The following PRRC2B variants were observed in gnomAD, a reference collection of about 807,000 sequenced individuals.
PRRC2B encodes the protein protein PRRC2B.
Under a neutral mutation model 242.3 loss-of-function variants are expected in PRRC2B, and 68 were observed. That is an observed-to-expected ratio of 0.28 (90% CI 0.23 to 0.34). The LOEUF (loss-of-function observed/expected upper bound fraction) is 0.34, where lower values mean the gene tolerates loss of function less well. PRRC2B is among the 10% of genes least tolerant of loss of function. PRRC2B has a pLI of 1.00. For missense variants in PRRC2B, 2,835 were observed against 2,954.8 expected, an observed-to-expected ratio of 0.96 and a Z score of 0.94; for synonymous variants, 1,228 against 1,173.6, an observed-to-expected ratio of 1.05 and a Z score of -0.95.
chr9:131,485,024 GCAT>G lies in PRRC2B; in HGVS notation c.5644_5646del (p.Ile1882del), dbSNP rs1343933026. 6.2e-7 allele frequency: 1 copy of G among 1,612,730 alleles called. No homozygotes were observed. Among genetic ancestry groups the G allele is most frequent in the East Asian group, 2.2e-5 (1 of 44,840 alleles). On this transcript the variant is annotated inframe_deletion, in exon 25 of 32. Transcript: ENST00000683519. ...AGCTCTCCAGGCGGCGCTGGCTCAG[GCAT>G]CCAGCCTCCATCCTCTGTGGGTGCC...
At chr9:131,465,490 G>T (rs1943369665) in intron 12 of PRRC2B, among the ~76,000 whole-genome samples, 1 of 152,070 alleles carries the variant, frequency 6.6e-6, no homozygotes, top group African/African-American at 2.4e-5. Context: ...GTATGTACCT[G>T]CCAGCACGCG....
chr9:131,376,983 G>A (rs1836693585), intron 1 of PRRC2B, among the ~76,000 whole-genome samples: 1 of 151,996 alleles, frequency 6.6e-6, no homozygotes, highest in Non-Finnish European at 1.5e-5. Flanking sequence ...CTCCAGCCTG[G>A]GTGACACAGC....
chr9:131,467,732 CCAG>C lies in PRRC2B; in HGVS notation c.1899_1901del (p.Gln637del), dbSNP rs1375113313. On this transcript the variant is annotated inframe_deletion, in exon 13 of 32. Transcript: ENST00000683519. ...AGTCCCTTCCTCCCCGATTCCAGCGCCAGCAGCAGCAACAACAGCAGGTAAACA... is the reference window on the plus strand; with the variant it reads ...AGTCCCTTCCTCCCCGATTCCAGCGCCAGCAGCAACAACAGCAGGTAAACA... 2.5e-6 allele frequency: 4 copies of C among 1,613,940 alleles called. No individual in the cohort carries two copies. The highest frequency in any genetic ancestry group is 2.5e-6 in the Non-Finnish European group (3 of 1,179,876).
intron 15 of PRRC2B, among the ~76,000 whole-genome samples, chr9:131,474,206 A>C (rs4740249): frequency 1.3e-5 from 2 of 152,172 alleles, no homozygotes; most frequent in Non-Finnish European, 2.9e-5. Flanking sequence ...TTCACTCTCA[A>C]GGACTCCAGG....
chr9:131,490,679 C>T (rs1055642420), intron 28 of PRRC2B: 8 of 489,312 alleles, frequency 1.6e-5, no homozygotes, highest in Non-Finnish European at 3.3e-5. Flanking sequence ...GGCCCTGCAG[C>T]TACCCTGTTC....
rs527818817 is a variant in PRRC2B at position 131,431,875 on chromosome 9, C to T, written c.116-742C>T. Among the ~76,000 whole-genome samples the T allele has an allele frequency of 2.6e-4, 40 of 151,690 alleles. 1 individual carries two copies. In the East Asian group the frequency reaches 5.2e-3, roughly 20 times the overall value. ...TGCTGAGATTACAGGCATGAGCCACCGCGCCCGGCCATCCTTAAAGAATTT... is the reference window on the plus strand; with the variant it reads ...TGCTGAGATTACAGGCATGAGCCACTGCGCCCGGCCATCCTTAAAGAATTT... On this transcript the variant is annotated intron_variant, in intron 2 of 31. Coordinates refer to ENST00000683519, the MANE Select transcript of PRRC2B (RefSeq NM_013318.4).
intron 4 of PRRC2B, among the ~76,000 whole-genome samples, chr9:131,438,387 T>C (rs189539000): frequency 4.6e-5 from 7 of 152,162 alleles, no homozygotes; most frequent in African/African-American, 1.4e-4. Flanking sequence ...TGGTGAGCAT[T>C]CAGTCAGGCT....
chr9:131,490,578 G>A, intron 28 of PRRC2B: 1 of 519,088 alleles, frequency 1.9e-6, no homozygotes, highest in Non-Finnish European at 3.8e-6. Flanking sequence ...GAGACCAAAA[G>A]TGGCCCAGCC....
At chr9:131,391,807 C>G (rs574688364), upstream of PRRC2B, among the ~76,000 whole-genome samples, 1 of 152,286 alleles carries the variant, frequency 6.6e-6, no homozygotes, top group East Asian at 1.9e-4. Context: ...GTGGCGTGCT[C>G]TTGGCTCACT....
At chr9:131,415,364 G>A (rs1356399730) in intron 1 of PRRC2B, among the ~76,000 whole-genome samples, 1 of 151,846 alleles carries the variant, frequency 6.6e-6, no homozygotes, top group Non-Finnish European at 1.5e-5. Flanking sequence ...TTATTTGGGT[G>A]CACCCATTCT....
chr9:131,437,010 G>A (rs1386855055), intron 4 of PRRC2B, among the ~76,000 whole-genome samples: 1 of 152,168 alleles, frequency 6.6e-6, no homozygotes, highest in Non-Finnish European at 1.5e-5. Context: ...GGTCACTCAG[G>A]CTGGACTGCA....
rs573412164 is a variant in PRRC2B, at chr9:131,459,965, A to G, written c.1404+609A>G. ...ATCCTGGCCAACACAGTGAAACCCT[A>G]TCTCCAAAAAAAAAAAAAAAAAAAA... On this transcript the variant is annotated intron_variant, in intron 11 of 31. Transcript: ENST00000683519. Among the ~76,000 whole-genome samples the G allele has an allele frequency of 2.2e-4, 14 of 62,426 alleles. No homozygotes were observed. The South Asian group carries it at 7.5e-3, about 33-fold the overall frequency. 41.0% of individuals were successfully genotyped at this position (62,426 alleles called of 152,430 possible). A position where few individuals can be genotyped will look rare whatever the true frequency, so the allele number is the denominator to read the frequency against.
intron 1 of PRRC2B, among the ~76,000 whole-genome samples, chr9:131,406,795 G>C (rs1323209502): frequency 6.6e-6 from 1 of 151,866 alleles, no homozygotes; most frequent in African/African-American, 2.4e-5. Flanking sequence ...CAATACAGGC[G>C]TGTCACAGTT....
chr9:131,420,481 C>CTCTCTTTCTCTCTTTCT (rs1837790748), intron 1 of PRRC2B, among the ~76,000 whole-genome samples: 1 of 13,418 alleles, frequency 7.5e-5, no homozygotes, highest in African/African-American at 1.9e-4. Flanking sequence ...TTCTTTCTTT[C>CTCTCTTTCTCTCTTTCT]TTTCTTTCTT....
intron 1 of PRRC2B, among the ~76,000 whole-genome samples, chr9:131,383,884 G>A (rs1374189129): frequency 6.6e-6 from 1 of 151,710 alleles, no homozygotes; most frequent in Non-Finnish European, 1.5e-5. Flanking sequence ...GCCTCCCAAA[G>A]TGCTGGGATT....
intron 11 of PRRC2B, among the ~76,000 whole-genome samples, chr9:131,460,297 A>T (rs1439185903): frequency 1.3e-5 from 2 of 152,210 alleles, no homozygotes; most frequent in African/African-American, 4.8e-5. Context: ...AGCCTTCTTT[A>T]TCTGGATCAG....
chr9:131,493,983 A>G (rs140763750), intron 30 of PRRC2B, among the ~76,000 whole-genome samples: 2 of 152,172 alleles, frequency 1.3e-5, no homozygotes, highest in Non-Finnish European at 2.9e-5. Context: ...CTTTTCTGAA[A>G]AGTGAAGACT....
chr9:131,493,567 G>C (rs1207801930), intron 30 of PRRC2B, among the ~76,000 whole-genome samples: 4 of 151,350 alleles, frequency 2.6e-5, no homozygotes, highest in African/African-American at 9.8e-5. Flanking sequence ...AATGGCAGCA[G>C]ATTATTCTTT....
intron 1 of PRRC2B, among the ~76,000 whole-genome samples, chr9:131,420,662 G>A (rs1430907229): frequency 6.6e-6 from 1 of 150,682 alleles, no homozygotes; most frequent in Non-Finnish European, 1.5e-5. Flanking sequence ...GCTAATTTTT[G>A]TATTTTCAGT....
Sources: allele counts gnomAD v4.1 joint callset (sites outside exome capture counted in the v4.1 genomes callset), GRCh38; gene constraint gnomAD v4.1.1; transcripts MANE v1.5; gene names NCBI Gene and HGNC (gene_info 2026-07-23, HGNC 2026-07-21).